ARCN1: variants seen among roughly 807,000 people sequenced by gnomAD.
The protein encoded by ARCN1 is archain 1 coat protein complex I subunit delta.
A neutral mutation model predicts 60.4 loss-of-function variants in ARCN1; 5 were observed. The ratio of observed to expected loss-of-function variants is 0.08; its 90% CI spans 0.04 to 0.17. The LOEUF (loss-of-function observed/expected upper bound fraction) is 0.17, where lower values mean the gene tolerates loss of function less well. Ranked by LOEUF, ARCN1 falls within the 10% of genes least tolerant of loss-of-function variation. The probability of loss-of-function intolerance (pLI) is 1.00; values close to 1 mark genes in which losing one functional copy is unlikely to be tolerated. For missense variants in ARCN1, 464 were observed against 626.5 expected, an observed-to-expected ratio of 0.74 and a Z score of 2.77; for synonymous variants, 224 against 220.0, an observed-to-expected ratio of 1.02 and a Z score of -0.16.
intron 1 of ARCN1, among the ~76,000 whole-genome samples, chr11:118,580,319 G>A (rs1325736205): frequency 6.6e-6 from 1 of 151,786 alleles, no homozygotes; most frequent in African/African-American, 2.4e-5. Flanking sequence ...GTGAGACCCT[G>A]TCTCCAAAAA....
chr11:118,594,907 T>G (rs573883509), intron 8 of ARCN1, among the ~76,000 whole-genome samples: 1 of 152,142 alleles, frequency 6.6e-6, no homozygotes, highest in Non-Finnish European at 1.5e-5. Flanking sequence ...TGCAGTGCAG[T>G]GGTGCAACCT....
In ARCN1 at chr11:118,592,829, A is replaced by T. The variant is rs369324137; in HGVS notation, c.1105A>T (p.Thr369Ser). ...VGVLKWRLQTTEESFIPLTIN... is the reference protein window; with the variant it reads ...VGVLKWRLQTSEESFIPLTIN... The stretch of plus-strand genomic sequence containing the variant: ...GGTGCTAAAGTGGAGACTACAAACC[A>T]CAGAGGAATCTTTTATTCCACTGAC... The change falls in exon 7 of 10, where the codon ACA becomes TCA. Residue 369 changes from threonine (T) to serine (S), a missense_variant. This residue lies in a region of ARCN1 where 359 missense variants were observed against 440.2 expected (regional missense o/e 0.82). Transcript: ENST00000264028. The T allele has an allele frequency of 3.7e-6, 6 of 1,613,900 alleles. No individual in the cohort carries two copies. Among genetic ancestry groups the T allele is most frequent in the Non-Finnish European group, 5.1e-6 (6 of 1,179,920 alleles).
Position 118,597,863 on chromosome 11 carries a change from C to A in ARCN1, c.1398C>A (p.Phe466Leu), listed in dbSNP as rs782099137. Reference protein sequence around the residue: ...FSIAGQPNDFFPVQVSFVSKK... With the variant: ...FSIAGQPNDFLPVQVSFVSKK... ...TTGCTGGGCAGCCCAATGACTTCTT[C>A]CCTGTTCAAGTTTCCTTTGTCTCCA... The change falls in exon 9 of 10, where the codon TTC becomes TTA. Residue 466 changes from phenylalanine to leucine, a missense_variant. Around this residue, in one of 2 missense-constraint regions of ARCN1, gnomAD observed 359 missense variants for 440.2 expected, o/e 0.82. Coordinates refer to ENST00000264028, the MANE Select transcript of ARCN1 (RefSeq NM_001655.5). 3 of 1,614,174 alleles carry A rather than the reference C, an allele frequency of 1.9e-6. No homozygotes were observed. The highest frequency in any genetic ancestry group is 2.5e-6 in the Non-Finnish European group (3 of 1,180,036).
chr11:118,576,445 A>AC (rs1321215629), intron 1 of ARCN1, among the ~76,000 whole-genome samples: 1 of 148,378 alleles, frequency 6.7e-6, no homozygotes, highest in Non-Finnish European at 1.5e-5. Flanking sequence ...AAAAAAAAAA[A>AC]AAAACCAAAA....
Position 118,588,453 on chromosome 11 carries a change from C to T in ARCN1, c.819-1888C>T, listed in dbSNP as rs115338321. Among the ~76,000 whole-genome samples, 1,168 of 152,200 alleles carry T rather than the reference C, an allele frequency of 7.7e-3. 14 individuals carry two copies. Among genetic ancestry groups the T allele is most frequent in the African/African-American group, 0.027 (1,103 of 41,506 alleles). On this transcript the variant is annotated intron_variant, in intron 5 of 9. Coordinates refer to ENST00000264028, the MANE Select transcript of ARCN1 (RefSeq NM_001655.5). The stretch of plus-strand genomic sequence containing the variant: ...TGAGCTAGGAACCATGGATGAAAAC[C>T]GGTATGTATGTATATCATAATATCA...
chr11:118,600,363 T>C (rs1191770200), intron 9 of ARCN1, among the ~76,000 whole-genome samples: 1 of 152,182 alleles, frequency 6.6e-6, no homozygotes, highest in African/African-American at 2.4e-5. Context: ...TGGCCACTCA[T>C]TTTGGAGCTT....
Position 118,577,351 on chromosome 11 carries a change from A to G in ARCN1, c.4-3895A>G, listed in dbSNP as rs116733860. 9.0e-3 allele frequency among the ~76,000 whole-genome samples: 1,371 copies of G among 151,812 alleles called. 30 individuals carry two copies. The highest frequency in any genetic ancestry group is 0.032 in the African/African-American group (1,316 of 41,352). ...AACTTCCGCCTCCCAGGTTCAAGCA[A>G]TCCTCCCACCTCACTCTCCCCGTAG... On this transcript the variant is annotated intron_variant, in intron 1 of 9. Coordinates refer to ENST00000264028, the MANE Select transcript of ARCN1 (RefSeq NM_001655.5).
rs1555075243 is a variant in ARCN1 at position 118,584,804 on chromosome 11, GT to G, written c.818+165del. ...AGATTCTACATATTAACATAAGATC[GT>G]TTTTGGTTTTGTTTTGTTTTATTTA... is the stretch of plus-strand genomic sequence containing the variant. On this transcript the variant is annotated intron_variant, in intron 5 of 9. Coordinates refer to ENST00000264028, the MANE Select transcript of ARCN1 (RefSeq NM_001655.5). Among the ~76,000 whole-genome samples, 5 of 151,870 alleles carry G rather than the reference GT, an allele frequency of 3.3e-5. No individual in the cohort carries two copies. In the East Asian group the frequency reaches 9.6e-4, roughly 29 times the overall value.
chr11:118,584,531 A>C lies in ARCN1; in HGVS notation c.705A>C (p.Val235=). ...AACTTGGAGCCAAAGGAAAGGAAGT[A>C]GATAACTTTGTGGACAAATTAAAAT... ...ALKLGAKGKE[V]DNFVDKLKSE... Residue 235 remains valine, a synonymous_variant, in exon 5 of 10, where the codon GTA becomes GTC. Coordinates refer to ENST00000264028, the MANE Select transcript of ARCN1 (RefSeq NM_001655.5). 1.2e-6 allele frequency: 2 copies of C among 1,614,024 alleles called. No homozygotes were observed. Among genetic ancestry groups the C allele is most frequent in the Non-Finnish European group, 8.5e-7 (1 of 1,179,988 alleles).
In ARCN1 at chr11:118,600,719, A is replaced by G; in HGVS notation, c.*5A>G. 4 of 1,585,036 alleles carry G rather than the reference A, an allele frequency of 2.5e-6. No homozygotes were observed. The highest frequency in any genetic ancestry group is 3.4e-6 in the Non-Finnish European group (4 of 1,165,456). ...GATAAGTATGAAATTCTGTAATACC[A>G]AGAAGAGGGAGCTGAAAAGGAAAAT... On this transcript the variant is annotated 3_prime_UTR_variant, in exon 10 of 10. Coordinates refer to ENST00000264028, the MANE Select transcript of ARCN1 (RefSeq NM_001655.5).
chr11:118,597,835 G>C lies in ARCN1; in HGVS notation c.1370G>C (p.Ser457Thr), dbSNP rs1939062536. 1 of 1,614,172 alleles carries C rather than the reference G, an allele frequency of 6.2e-7. No homozygotes were observed. The highest frequency in any genetic ancestry group is 2.2e-5 in the East Asian group (1 of 44,888). ...AKNKSGSLEF[S>T]IAGQPNDFFP... Reference sequence around the variant, plus strand: ...AATAAGAGTGGCAGCCTGGAGTTTAGCATTGCTGGGCAGCCCAATGACTTC... The same window carrying C: ...AATAAGAGTGGCAGCCTGGAGTTTACCATTGCTGGGCAGCCCAATGACTTC... The change falls in exon 9 of 10, where the codon AGC becomes ACC. Residue 457 changes from serine to threonine, a missense_variant. Physicochemically the swap from Ser to Thr is moderately conservative, Grantham distance 58 (BLOSUM62 1). Coordinates refer to ENST00000264028, the MANE Select transcript of ARCN1 (RefSeq NM_001655.5).
intron 5 of ARCN1, among the ~76,000 whole-genome samples, chr11:118,589,223 T>C (rs782461958): frequency 5.5e-4 from 83 of 152,220 alleles, no homozygotes; most frequent in Non-Finnish European, 9.7e-4. Flanking sequence ...ACATATATAA[T>C]GTTTAGAGAG....
At chr11:118,574,407 T>G (rs1160846666) in intron 1 of ARCN1, among the ~76,000 whole-genome samples, 1 of 152,178 alleles carries the variant, frequency 6.6e-6, no homozygotes, top group Non-Finnish European at 1.5e-5. Context: ...AGCTCAACAT[T>G]TCATTATGAA....
Position 118,583,964 on chromosome 11 carries a change from A to G in ARCN1, c.603A>G (p.Thr201=). ...GAGGCAGCACAGCTGCCATGATCAC[A>G]GAGACCATCATTGAAACTGATAAAC... ...VSGGSTAAMI[T]ETIIETDKPK... Residue 201 remains threonine (T), a synonymous_variant, in exon 4 of 10, where the codon ACA becomes ACG. Transcript: ENST00000264028. 2.5e-6 allele frequency: 4 copies of G among 1,614,260 alleles called. No individual in the cohort carries two copies. The highest frequency in any genetic ancestry group is 3.4e-6 in the Non-Finnish European group (4 of 1,180,052).
chr11:118,586,296 G>T (rs983318585), intron 5 of ARCN1, among the ~76,000 whole-genome samples: 1 of 151,842 alleles, frequency 6.6e-6, no homozygotes, highest in Admixed American at 6.6e-5. Flanking sequence ...GAGTTTTGCC[G>T]TGTTGGCCAG....
intron 8 of ARCN1, among the ~76,000 whole-genome samples, chr11:118,596,749 C>T (rs782246514): frequency 3.3e-5 from 5 of 152,170 alleles, no homozygotes; most frequent in Non-Finnish European, 7.3e-5. Context: ...CTGCTTCTCT[C>T]GCAGATTAAG....
At chr11:118,582,384 C>T (rs1472555730) in intron 2 of ARCN1, among the ~76,000 whole-genome samples, 7 of 152,020 alleles carry the variant, frequency 4.6e-5, no homozygotes, top group Non-Finnish European at 1.0e-4. Flanking sequence ...CCTATCTTGG[C>T]GTCCCGAAGT....
chr11:118,588,454 G>A (rs1002116434), intron 5 of ARCN1, among the ~76,000 whole-genome samples: 2 of 152,092 alleles, frequency 1.3e-5, no homozygotes, highest in Non-Finnish European at 2.9e-5. Flanking sequence ...GATGAAAACC[G>A]GTATGTATGT....
intron 7 of ARCN1, 46 bp from the exon 8 acceptor site, chr11:118,593,544 C>T (rs1247396518): frequency 2.2e-6 from 3 of 1,385,272 alleles, no homozygotes; most frequent in Non-Finnish European, 3.1e-6. Flanking sequence ...TGCACCCAGC[C>T]ATCTTTTTCT....
Sources: allele counts gnomAD v4.1 joint callset (sites outside exome capture counted in the v4.1 genomes callset), GRCh38; gene constraint gnomAD v4.1.1; regional missense constraint gnomAD v4.1.1; transcripts MANE v1.5; gene names NCBI Gene and HGNC (gene_info 2026-07-23, HGNC 2026-07-21).